Variants in ATP2C1 observed in about 807,000 individuals in gnomAD.
The protein encoded by ATP2C1 is calcium-transporting ATPase type 2C member 1.
A neutral mutation model predicts 120.5 loss-of-function variants in ATP2C1; 31 were observed. The observed-to-expected ratio is 0.26, with a 90% CI of 0.19 to 0.35. ATP2C1 has a LOEUF of 0.35. Ranked by LOEUF, ATP2C1 falls within the 10% of genes least tolerant of loss-of-function variation. The pLI is 1.00. For missense variants in ATP2C1, 731 were observed against 1,107.5 expected, an observed-to-expected ratio of 0.66 and a Z score of 4.83; for synonymous variants, 351 against 358.7, an observed-to-expected ratio of 0.98 and a Z score of 0.24.
At chr3:130,933,775 T>C (rs187085929) in intron 4 of ATP2C1, among the ~76,000 whole-genome samples, 26 of 152,322 alleles carry the variant, frequency 1.7e-4, no homozygotes, top group Admixed American at 3.3e-4. Context: ...AAGTTTCTTA[T>C]AGGATTCCGA....
In ATP2C1 at chr3:131,001,435, T is replaced by C; in HGVS notation, c.*85T>C. 1 of 1,530,872 alleles carries C rather than the reference T, an allele frequency of 6.5e-7. No homozygotes were observed. Among genetic ancestry groups the C allele is most frequent in the Admixed American group, 2.0e-5 (1 of 50,444 alleles). The allele number at this position is 1,530,872 out of a possible 1,614,324, so 94.8% of individuals were successfully genotyped here. A position where few individuals can be genotyped will look rare whatever the true frequency, so the allele number is the denominator to read the frequency against. Reference sequence around the variant, plus strand: ...GGCAAGTTCAAGAGGATATGAAGATTTGAGAACTTTTTAACTATTCATTGA... The same window carrying C: ...GGCAAGTTCAAGAGGATATGAAGATCTGAGAACTTTTTAACTATTCATTGA... On this transcript the variant is annotated 3_prime_UTR_variant, in exon 28 of 28. Transcript: ENST00000510168.
intron 2 of ATP2C1, among the ~76,000 whole-genome samples, chr3:130,921,431 T>A (rs1292137418): frequency 2.6e-5 from 4 of 152,276 alleles, no homozygotes; most frequent in Admixed American, 2.0e-4. Context: ...GTATTTTTTT[T>A]ATTTTATTAA....
At chr3:130,882,581 T>C (rs1205755239) in intron 1 of ATP2C1, among the ~76,000 whole-genome samples, 1 of 152,222 alleles carries the variant, frequency 6.6e-6, no homozygotes, top group African/African-American at 2.4e-5. Flanking sequence ...TTAAATTTTA[T>C]CAAGTGGTTT....
At chr3:131,001,125 A>AG (rs2062867405) in intron 27 of ATP2C1, 95 bp from the exon 28 acceptor site, 2 of 1,003,224 alleles carry the variant, frequency 2.0e-6, no homozygotes, top group Non-Finnish European at 1.5e-6. Context: ...AAAAAAAAAA[A>AG]AAGTTGTGTT....
In ATP2C1 at chr3:130,894,149, T is replaced by TGCCCAA; in HGVS notation, c.-369_-368insGCCCAA. On this transcript the variant is annotated 5_prime_UTR_variant, in exon 1 of 28. Coordinates refer to ENST00000510168, the MANE Select transcript of ATP2C1 (RefSeq NM_001378687.1). The surrounding 1 kb of genome is among the most constrained non-coding windows in gnomAD (Gnocchi z 4.5). ...ACGGGTCCCCTCACCTCCTCTTCTC[T>TGCCCAA]CCCCTCCCCGCCCGCCCTCTCTCCC... 11 of 694,844 alleles carry TGCCCAA rather than the reference T, an allele frequency of 1.6e-5. No homozygotes were observed. Among genetic ancestry groups the TGCCCAA allele is most frequent in the Non-Finnish European group, 1.9e-5 (11 of 565,198 alleles). 43.0% of individuals were successfully genotyped at this position (694,844 alleles called of 1,614,324 possible). A position where few individuals can be genotyped will look rare whatever the true frequency, so the allele number is the denominator to read the frequency against.
intron 2 of ATP2C1, among the ~76,000 whole-genome samples, chr3:130,896,787 T>C (rs184806312): frequency 1.6e-3 from 243 of 152,304 alleles, no homozygotes; most frequent in African/African-American, 4.5e-3. Context: ...AATCTTTAAC[T>C]CACAGAATTG....
At position 130,853,413 on chromosome 3, in the gene ATP2C1, G is replaced by A. The variant is rs531705693; in HGVS notation, c.108+2485G>A. Among the ~76,000 whole-genome samples, 12 of 152,300 alleles carry A rather than the reference G, an allele frequency of 7.9e-5. No homozygotes were observed. The South Asian group carries it at 2.5e-3, about 32-fold the overall frequency. On this transcript the variant is annotated intron_variant, in intron 1 of 26. Coordinates refer to the ATP2C1 transcript ENST00000504381. Reference sequence around the variant, plus strand: ...GTGTTATTGAATGTAGTGTCTGCATGCCACTTAAAATCTTCTCCCACCTCA... The same window carrying A: ...GTGTTATTGAATGTAGTGTCTGCATACCACTTAAAATCTTCTCCCACCTCA...
At chr3:130,895,485 G>A (rs1201615680) in intron 2 of ATP2C1, among the ~76,000 whole-genome samples, 2 of 152,058 alleles carry the variant, frequency 1.3e-5, no homozygotes, top group East Asian at 3.9e-4. Flanking sequence ...TAAAATTGTT[G>A]AACAACTGTG....
chr3:130,938,751 A>C (rs948918474), intron 6 of ATP2C1, among the ~76,000 whole-genome samples: 1 of 152,204 alleles, frequency 6.6e-6, no homozygotes, highest in Non-Finnish European at 1.5e-5. Context: ...TGGACCACTA[A>C]CTGGACCTTC....
intron 1 of ATP2C1, among the ~76,000 whole-genome samples, chr3:130,884,634 C>T (rs1236488201): frequency 2.6e-5 from 4 of 152,314 alleles, no homozygotes; most frequent in African/African-American, 9.6e-5. Flanking sequence ...TGAGGTCTAT[C>T]TCTCTCTTTA....
intron 1 of ATP2C1, among the ~76,000 whole-genome samples, chr3:130,866,865 T>A (rs942124939): frequency 1.3e-5 from 2 of 152,252 alleles, no homozygotes; most frequent in Non-Finnish European, 2.9e-5. Flanking sequence ...CAGGTAATTG[T>A]GTTTTTTATA....
chr3:130,924,627 C>T (rs1488166966), intron 2 of ATP2C1, among the ~76,000 whole-genome samples: 2 of 152,062 alleles, frequency 1.3e-5, no homozygotes, highest in Admixed American at 6.6e-5. Context: ...CTAGCAAGAC[C>T]GGGGAAGTTT....
At chr3:130,902,284 G>GTCTT (rs2057874912) in intron 2 of ATP2C1, among the ~76,000 whole-genome samples, 1 of 65,506 alleles carries the variant, frequency 1.5e-5, no homozygotes, top group Non-Finnish European at 3.0e-5. Context: ...AAGGCTTCAC[G>GTCTT]TTTTTTTTTT....
chr3:130,851,187 A>G (rs1188575450), intron 1 of ATP2C1, among the ~76,000 whole-genome samples: 4 of 152,232 alleles, frequency 2.6e-5, no homozygotes, highest in African/African-American at 9.6e-5. Context: ...GAGCTACTCT[A>G]TCAAAGTTAA....
At chr3:130,933,237 T>C (rs2059525914) in intron 4 of ATP2C1, among the ~76,000 whole-genome samples, 1 of 149,166 alleles carries the variant, frequency 6.7e-6, no homozygotes, top group Non-Finnish European at 1.5e-5. Context: ...TAACAGTAAA[T>C]AGTAATCGTA....
chr3:130,962,739 A>G (rs2060879614), intron 12 of ATP2C1, among the ~76,000 whole-genome samples: 1 of 150,298 alleles, frequency 6.7e-6, no homozygotes, highest in African/African-American at 2.4e-5. Flanking sequence ...AAAAGAAAAG[A>G]AAAAAGAAAA....
chr3:130,991,076 C>T (rs986304156), intron 20 of ATP2C1, among the ~76,000 whole-genome samples: 1 of 152,098 alleles, frequency 6.6e-6, no homozygotes, highest in Non-Finnish European at 1.5e-5. Flanking sequence ...TCACCTGAGG[C>T]GTAGGGAATT....
intron 8 of ATP2C1, among the ~76,000 whole-genome samples, chr3:130,946,327 T>C (rs764810402): frequency 7.9e-5 from 12 of 152,390 alleles, no homozygotes; most frequent in Non-Finnish European, 1.3e-4. Flanking sequence ...TGAATCCTTG[T>C]ACTTTGTTAT....
chr3:131,003,054 T>C lies in ATP2C1; in HGVS notation c.*1704T>C. The C allele has an allele frequency of 1.0e-6, 1 of 985,800 alleles. No individual in the cohort carries two copies. The highest frequency in any genetic ancestry group is 1.2e-6 in the Non-Finnish European group (1 of 829,850). The allele number at this position is 985,800 out of a possible 1,614,324, so 61.1% of individuals were successfully genotyped here. On this transcript the variant is annotated 3_prime_UTR_variant, in exon 28 of 28. Transcript: ENST00000510168. ...ATTAAATGCACGTTAATGTTTTGCT[T>C]TGCATTTTAGGTTCAGATTATGACT...
Sources: allele counts gnomAD v4.1 joint callset (sites outside exome capture counted in the v4.1 genomes callset), GRCh38; gene constraint gnomAD v4.1.1; non-coding constraint Gnocchi (gnomAD v3.1); transcripts MANE v1.5; gene names NCBI Gene and HGNC (gene_info 2026-07-23, HGNC 2026-07-21).